FGF12: variants seen among roughly 807,000 people sequenced by gnomAD.
The protein encoded by FGF12 is fibroblast growth factor 12B.
A neutral mutation model predicts 23.6 loss-of-function variants in FGF12; 14 were observed. The ratio of observed to expected loss-of-function variants is 0.59; its 90% CI spans 0.39 to 0.93. FGF12 has a LOEUF of 0.93. Among genes scored for constraint, FGF12 ranks in the 40% least tolerant of loss-of-function variants. FGF12 has a pLI of 0.00. For synonymous variants in FGF12, 62 were observed against 77.3 expected (o/e 0.80, Z 1.04); for missense variants, 175 against 217.8 (o/e 0.80, Z 1.24).
chr3:192,177,446 C>T (rs115419491), intron 4 of FGF12, among the ~76,000 whole-genome samples: 1,983 of 152,278 alleles, frequency 0.013, 31 homozygotes, highest in African/African-American at 0.042. Flanking sequence ...CACTCAGAAC[C>T]GCTTTTGCTC....
intron 4 of FGF12, among the ~76,000 whole-genome samples, chr3:192,274,790 T>C (rs760951166): frequency 7.2e-5 from 11 of 152,312 alleles, no homozygotes; most frequent in South Asian, 2.1e-4. Flanking sequence ...AAGTTGCTAA[T>C]AACATACAGC....
intron 2 of FGF12, among the ~76,000 whole-genome samples, chr3:192,391,097 C>T (rs528797351): frequency 1.3e-5 from 2 of 152,128 alleles, no homozygotes; most frequent in South Asian, 2.1e-4. Flanking sequence ...AAACCATAGC[C>T]GAGCAAAGAG....
rs185954396 is a variant in FGF12, at chr3:192,154,101, C to T, written c.428-9974G>A. On this transcript the variant is annotated intron_variant, in intron 5 of 5. Transcript: ENST00000445105. ...TGCTGATACCCTTCTTCCAGTTGAT[C>T]GCATCGGCTCCTGAGGCTTCTGCAT... Among the ~76,000 whole-genome samples, 3 of 117,678 alleles carry T rather than the reference C, an allele frequency of 2.5e-5. 1 individual carries two copies. The highest frequency in any genetic ancestry group is 3.7e-5 in the Non-Finnish European group (2 of 54,710). 77.2% of individuals were successfully genotyped at this position (117,678 alleles called of 152,430 possible).
chr3:192,664,707 G>A (rs1716798888), intron 2 of FGF12, among the ~76,000 whole-genome samples: 1 of 152,076 alleles, frequency 6.6e-6, no homozygotes, highest in African/African-American at 2.4e-5. Context: ...GGAGGTTGCA[G>A]TGAGCTGGGA....
chr3:192,294,553 T>C (rs1714929400), intron 4 of FGF12, among the ~76,000 whole-genome samples: 1 of 152,166 alleles, frequency 6.6e-6, no homozygotes, highest in Non-Finnish European at 1.5e-5. Context: ...ACAACCTAGG[T>C]TGGAAGAAGC....
At chr3:192,630,084 TAGTG>T (rs923224946) in intron 2 of FGF12, among the ~76,000 whole-genome samples, 18 of 152,118 alleles carry the variant, frequency 1.2e-4, no homozygotes, top group Admixed American at 1.2e-3. Context: ...GTCCTCGTGA[TAGTG>T]AGTGAGTGCT....
At chr3:192,545,704 G>A (rs1283550424) in intron 2 of FGF12, among the ~76,000 whole-genome samples, 3 of 152,198 alleles carry the variant, frequency 2.0e-5, no homozygotes, top group Non-Finnish European at 2.9e-5. Context: ...ATTCTTCAGC[G>A]TGGTAGATGC....
chr3:192,487,780 G>C (rs1003556589), intron 2 of FGF12, among the ~76,000 whole-genome samples: 5 of 152,056 alleles, frequency 3.3e-5, no homozygotes, highest in African/African-American at 1.2e-4. Context: ...ACTCTCATCT[G>C]CCTGGAAAGT....
intron 4 of FGF12, among the ~76,000 whole-genome samples, chr3:192,252,839 A>G (rs1297068622): frequency 2.0e-5 from 3 of 152,200 alleles, no homozygotes; most frequent in South Asian, 2.1e-4. Context: ...AAGATTAATT[A>G]TAATAAAAAG....
intron 4 of FGF12, among the ~76,000 whole-genome samples, chr3:192,282,186 C>T (rs1483976334): frequency 1.3e-5 from 2 of 152,140 alleles, no homozygotes; most frequent in Non-Finnish European, 2.9e-5. Context: ...CCTTAGAATG[C>T]AAGCTCCATT....
chr3:192,268,706 C>A (rs1328805339), intron 4 of FGF12: 3 of 449,578 alleles, frequency 6.7e-6, no homozygotes, highest in Non-Finnish European at 1.3e-5. Flanking sequence ...CCCTAGAAAC[C>A]AAGGAGATGC....
intron 2 of FGF12, among the ~76,000 whole-genome samples, chr3:192,700,019 C>T (rs1216265198): frequency 6.6e-6 from 1 of 152,142 alleles, no homozygotes; most frequent in Non-Finnish European, 1.5e-5. Flanking sequence ...AAGATAGAAC[C>T]CAAATCTCTC....
chr3:192,202,822 A>T (rs1406459082), intron 4 of FGF12, among the ~76,000 whole-genome samples: 1 of 152,234 alleles, frequency 6.6e-6, no homozygotes, highest in Non-Finnish European at 1.5e-5. Context: ...CAACTTAAAA[A>T]GTGCTATAAC....
chr3:192,632,228 A>T (rs1427719043), intron 2 of FGF12, among the ~76,000 whole-genome samples: 1 of 152,234 alleles, frequency 6.6e-6, no homozygotes, highest in Non-Finnish European at 1.5e-5. Flanking sequence ...ATTGAAAACC[A>T]GAGCATGGAA....
intron 2 of FGF12, among the ~76,000 whole-genome samples, chr3:192,361,299 AT>A (rs1718715068): frequency 6.6e-6 from 1 of 152,126 alleles, no homozygotes; most frequent in Admixed American, 6.6e-5. Context: ...ACACATTTGA[AT>A]TTTTGTGCAT....
intron 4 of FGF12, among the ~76,000 whole-genome samples, chr3:192,223,272 T>C (rs1007145381): frequency 1.3e-5 from 2 of 152,130 alleles, no homozygotes; most frequent in African/African-American, 4.8e-5. Flanking sequence ...TTTAGAAAAG[T>C]CTATTTTGGG....
At chr3:192,209,516 G>A (rs928134888) in intron 4 of FGF12, among the ~76,000 whole-genome samples, 1 of 152,178 alleles carries the variant, frequency 6.6e-6, no homozygotes, top group Non-Finnish European at 1.5e-5. Context: ...TATCAAAAGA[G>A]AATGTATTCT....
intron 4 of FGF12, among the ~76,000 whole-genome samples, chr3:192,181,655 G>A (rs1160092095): frequency 1.2e-4 from 18 of 148,624 alleles, no homozygotes; most frequent in African/African-American, 4.2e-4. Context: ...TTTGACACAG[G>A]GTTTCACTCC....
In FGF12 at chr3:192,614,784, T is replaced by A. The variant is rs1008620341; in HGVS notation, c.13+112397A>T. Among the ~76,000 whole-genome samples the A allele has an allele frequency of 1.3e-4, 20 of 151,940 alleles. 1 individual carries two copies. Among genetic ancestry groups the A allele is most frequent in the Non-Finnish European group, 2.4e-4 (16 of 67,918 alleles). ...TTTGAAAAGTGAGAGAGAGAAAGGT[T>A]TTCTGTGAGTTCCTGGACTTTCCTG... is the stretch of plus-strand genomic sequence containing the variant. On this transcript the variant is annotated intron_variant, in intron 2 of 5. Coordinates refer to ENST00000445105, the MANE Select transcript of FGF12 (RefSeq NM_004113.6).
Sources: gnomAD v4.1 joint callset for allele counts (sites outside exome capture counted in the v4.1 genomes callset) on GRCh38, gnomAD v4.1.1 for gene constraint, MANE v1.5 for transcripts, NCBI Gene and HGNC (gene_info 2026-07-23, HGNC 2026-07-21) for gene names.